The following MACROD2 variants were observed in gnomAD, a reference collection of about 807,000 sequenced individuals.
The protein encoded by MACROD2 is ADP-ribose glycohydrolase MACROD2.
Under a neutral mutation model 70.4 loss-of-function variants are expected in MACROD2, and 36 were observed. The observed-to-expected ratio is 0.51, with a 90% CI of 0.39 to 0.68. The LOEUF is 0.68. MACROD2 is among the 30% of genes least tolerant of loss of function. MACROD2 has a pLI of 0.00. For synonymous variants in MACROD2, 172 were observed against 178.8 expected (o/e 0.96, Z 0.30); for missense variants, 496 against 538.4 (o/e 0.92, Z 0.78).
intron 4 of MACROD2, among the ~76,000 whole-genome samples, chr20:14,653,832 A>G (rs1985820912): frequency 3.3e-5 from 5 of 152,176 alleles, no homozygotes. Context: ...TAATGCCTCA[A>G]AAAGCAGTCC....
chr20:14,975,745 C>A (rs1326878257), intron 5 of MACROD2, among the ~76,000 whole-genome samples: 9 of 152,056 alleles, frequency 5.9e-5, no homozygotes, highest in Non-Finnish European at 1.2e-4. Flanking sequence ...TTGAGGCCCC[C>A]AGTGTTTACT....
At chr20:14,085,166 CA>C (rs11482652) in intron 2 of MACROD2, among the ~76,000 whole-genome samples, 1 of 147,150 alleles carries the variant, frequency 6.8e-6, no homozygotes, top group African/African-American at 2.5e-5. Flanking sequence ...ATTCCCTCTC[CA>C]AAAAAAAAGG....
chr20:15,577,260 C>G (rs2048461136), intron 8 of MACROD2, among the ~76,000 whole-genome samples: 1 of 151,646 alleles, frequency 6.6e-6, no homozygotes, highest in Non-Finnish European at 1.5e-5. Flanking sequence ...ACAGTGCAGT[C>G]AACACACCTA....
At chr20:14,514,218 T>TA (rs2085063877) in intron 4 of MACROD2, among the ~76,000 whole-genome samples, 1 of 152,144 alleles carries the variant, frequency 6.6e-6, no homozygotes, top group South Asian at 2.1e-4. Flanking sequence ...AGGCCACTGA[T>TA]ATGTGAGCAT....
At chr20:14,792,148 CTGTT>C (rs1233223043) in intron 5 of MACROD2, among the ~76,000 whole-genome samples, 7 of 151,890 alleles carry the variant, frequency 4.6e-5, no homozygotes, top group Admixed American at 1.3e-4. Context: ...ACTTAGCGAA[CTGTT>C]TGTTATCATG....
chr20:15,906,934 G>A (rs886162365), intron 10 of MACROD2, among the ~76,000 whole-genome samples: 2 of 152,186 alleles, frequency 1.3e-5, no homozygotes, highest in Non-Finnish European at 2.9e-5. Context: ...TGTCTCAGAG[G>A]CTCCTCAACT....
chr20:14,854,937 A>AC (rs1262745873), intron 5 of MACROD2, among the ~76,000 whole-genome samples: 1 of 152,062 alleles, frequency 6.6e-6, no homozygotes, highest in Non-Finnish European at 1.5e-5. Flanking sequence ...AATGGCGTGA[A>AC]CCCGGCAGAC....
At chr20:15,052,849 A>C (rs1363313932) in intron 5 of MACROD2, among the ~76,000 whole-genome samples, 1 of 152,244 alleles carries the variant, frequency 6.6e-6, no homozygotes, top group Non-Finnish European at 1.5e-5. Flanking sequence ...CAAATAGCCA[A>C]GTTGTAAATG....
chr20:14,579,674 T>C (rs1414371647), intron 4 of MACROD2, among the ~76,000 whole-genome samples: 1 of 152,232 alleles, frequency 6.6e-6, no homozygotes, highest in Non-Finnish European at 1.5e-5. Context: ...ATAAGTTATA[T>C]TTTAAAAACT....
intron 6 of MACROD2, among the ~76,000 whole-genome samples, chr20:15,420,222 A>G (rs1479334523): frequency 6.6e-6 from 1 of 152,218 alleles, no homozygotes; most frequent in Non-Finnish European, 1.5e-5. Context: ...TCGGAAAATA[A>G]AAAGTTTGAA....
At chr20:15,054,284 T>C (rs1490992211) in intron 5 of MACROD2, among the ~76,000 whole-genome samples, 1 of 152,226 alleles carries the variant, frequency 6.6e-6, no homozygotes, top group African/African-American at 2.4e-5. Context: ...TAAATAGCAT[T>C]GCATGCTACA....
chr20:15,362,081 A>G (rs6135396), intron 6 of MACROD2, among the ~76,000 whole-genome samples: 48,342 of 149,284 alleles, frequency 0.32, 8,424 homozygotes, highest in Non-Finnish European at 0.39. Context: ...GTGTGATCTC[A>G]GCTCACTGCA....
intron 5 of MACROD2, among the ~76,000 whole-genome samples, chr20:15,052,726 T>A (rs1282650356): frequency 1.3e-5 from 2 of 152,182 alleles, no homozygotes; most frequent in Non-Finnish European, 2.9e-5. Context: ...CTTTAAGTGT[T>A]CAAGTGAGAG....
intron 7 of MACROD2, among the ~76,000 whole-genome samples, chr20:15,482,846 A>T (rs1255964205): frequency 6.6e-6 from 1 of 152,008 alleles, no homozygotes; most frequent in Non-Finnish European, 1.5e-5. Context: ...ACATATGCCT[A>T]TTTGCCATCT....
At chr20:14,280,192 G>A (rs1397355388) in intron 3 of MACROD2, among the ~76,000 whole-genome samples, 2 of 152,156 alleles carry the variant, frequency 1.3e-5, no homozygotes, top group South Asian at 2.1e-4. Context: ...TTCACTACAT[G>A]AATGAGTTTT....
chr20:15,251,648 G>T (rs2077157030), intron 6 of MACROD2, among the ~76,000 whole-genome samples: 1 of 151,996 alleles, frequency 6.6e-6, no homozygotes, highest in Non-Finnish European at 1.5e-5. Flanking sequence ...TTTCCCTTTT[G>T]CCTTTCATCT....
chr20:15,135,820 T>A (rs1256877992), intron 5 of MACROD2, among the ~76,000 whole-genome samples: 1 of 145,538 alleles, frequency 6.9e-6, no homozygotes, highest in Admixed American at 6.9e-5. Flanking sequence ...AAAACCCCAT[T>A]GTCTCAGCCC....
chr20:15,729,785 T>G (rs1215552329), intron 8 of MACROD2, among the ~76,000 whole-genome samples: 1 of 146,048 alleles, frequency 6.8e-6, no homozygotes, highest in African/African-American at 2.5e-5. Context: ...TGGGTGTCAT[T>G]GCATGTGAGA....
chr20:13,996,842 A>C (rs768920069), intron 1 of MACROD2, among the ~76,000 whole-genome samples: 1 of 152,204 alleles, frequency 6.6e-6, no homozygotes, highest in African/African-American at 2.4e-5. Flanking sequence ...GGTGAGGTCT[A>C]TTGAGGGTAG....
Sources: gnomAD v4.1 joint callset for allele counts (sites outside exome capture counted in the v4.1 genomes callset) on GRCh38, gnomAD v4.1.1 for gene constraint, MANE v1.5 for transcripts, NCBI Gene and HGNC (gene_info 2026-07-23, HGNC 2026-07-21) for gene names.